The following DIPK1A variants were observed in gnomAD, a reference collection of about 807,000 sequenced individuals.
DIPK1A encodes the protein divergent protein kinase domain 1A.
Under a neutral mutation model 40.8 loss-of-function variants are expected in DIPK1A, and 27 were observed. The ratio of observed to expected loss-of-function variants is 0.66; its 90% CI spans 0.49 to 0.91. The LOEUF is 0.91. Ranked by LOEUF, DIPK1A falls within the 40% of genes least tolerant of loss-of-function variation. DIPK1A has a pLI of 0.00. For synonymous variants in DIPK1A, 166 were observed against 171.3 expected, an observed-to-expected ratio of 0.97 and a Z score of 0.24; for missense variants, 412 against 505.7, an observed-to-expected ratio of 0.81 and a Z score of 1.78.
chr1:92,871,978 CCAG>C (rs1320448393), intron 2 of DIPK1A, among the ~76,000 whole-genome samples: 1 of 151,532 alleles, frequency 6.6e-6, no homozygotes, highest in Non-Finnish European at 1.5e-5. Flanking sequence ...GTATGTATAC[CCAG>C]AAGTGGATTT....
Position 92,843,553 on chromosome 1 carries a change from A to G in DIPK1A, c.1117T>C (p.Tyr373His). The G allele has an allele frequency of 6.4e-7, 1 of 1,552,118 alleles. No homozygotes were observed. Among genetic ancestry groups the G allele is most frequent in the South Asian group, 1.2e-5 (1 of 84,064 alleles). Residue 373 changes from tyrosine (Y) to histidine (H), a missense_variant, in exon 5 of 5, where the codon TAC becomes CAC. By Grantham distance (83) the Tyr-to-His change is moderately conservative (BLOSUM62 2). Coordinates refer to ENST00000370310, the MANE Select transcript of DIPK1A (RefSeq NM_001006605.5). ...TCACTTGGAGCACCACGCAGTAGGTAGTCTTTGAGTAACTGACAAGCTTTT... is the reference window on the plus strand; with the variant it reads ...TCACTTGGAGCACCACGCAGTAGGTGGTCTTTGAGTAACTGACAAGCTTTT... ...LAKACQLLKD[Y>H]LLRGAPSEIR...
chr1:92,846,839 A>ATG (rs1557449906), intron 4 of DIPK1A, among the ~76,000 whole-genome samples: 3 of 4,390 alleles, frequency 6.8e-4, no homozygotes, highest in African/African-American at 2.4e-3. Flanking sequence ...ATATATATAT[A>ATG]TATGTGTGTA....
downstream of DIPK1A, chr1:92,840,183 T>C (rs1687295072): frequency 3.9e-6 from 1 of 255,042 alleles, no homozygotes. Flanking sequence ...CCTGGCTAAT[T>C]AGTTTTTTTA....
intron 2 of DIPK1A, among the ~76,000 whole-genome samples, chr1:92,871,178 T>C (rs1174015616): frequency 6.6e-6 from 1 of 152,210 alleles, no homozygotes; most frequent in Non-Finnish European, 1.5e-5. Context: ...TATTTATTTT[T>C]TTCTGAGACT....
rs1687426075 is a variant in DIPK1A, at chr1:92,842,740, C to T, written c.*643G>A. On this transcript the variant is annotated 3_prime_UTR_variant, in exon 5 of 5. Coordinates refer to ENST00000370310, the MANE Select transcript of DIPK1A (RefSeq NM_001006605.5). ...GGCCCTTTGAATCTTTAGGAAAGTT[C>T]ATCCATTTTTAGTCAATAAAATTGG... 1.0e-6 allele frequency: 1 copy of T among 985,288 alleles called. No homozygotes were observed. The highest frequency in any genetic ancestry group is 6.2e-5 in the Admixed American group (1 of 16,256). The allele number at this position is 985,288 out of a possible 1,614,324, so 61.0% of individuals were successfully genotyped here.
chr1:92,841,391 G>A (rs1343118016), downstream of DIPK1A, among the ~76,000 whole-genome samples: 1 of 152,136 alleles, frequency 6.6e-6, no homozygotes, highest in Non-Finnish European at 1.5e-5. Flanking sequence ...TTATGTATAT[G>A]TATACCACAT....
chr1:92,948,873 T>C (rs926840967), intron 1 of DIPK1A, among the ~76,000 whole-genome samples: 5 of 148,892 alleles, frequency 3.4e-5, no homozygotes, highest in South Asian at 4.2e-4. Flanking sequence ...GGTGCGATCT[T>C]GGCTCACTGC....
chr1:92,849,467 C>T (rs1004982122), intron 3 of DIPK1A, among the ~76,000 whole-genome samples: 1 of 151,860 alleles, frequency 6.6e-6, no homozygotes, highest in Non-Finnish European at 1.5e-5. Flanking sequence ...CCCACCTCAG[C>T]CTCCCGAGTA....
chr1:92,865,898 G>A (rs372745987), intron 2 of DIPK1A, among the ~76,000 whole-genome samples: 57 of 152,184 alleles, frequency 3.7e-4, no homozygotes, highest in Admixed American at 2.3e-3. Flanking sequence ...TAATTTATAC[G>A]AAATGCATAT....
chr1:92,959,448 CTTTTTTTTTTT>C (rs1012376544), intron 1 of DIPK1A, among the ~76,000 whole-genome samples: 2 of 115,462 alleles, frequency 1.7e-5, no homozygotes, highest in Non-Finnish European at 3.6e-5. Context: ...CAGTAAAACA[CTTTTTTTTTTT>C]TTTTTTTTTT....
At chr1:92,832,987 T>G (rs1686969150) in exon 5 of DIPK1A, 1 of 733,304 alleles carries the variant, frequency 1.4e-6, no homozygotes, top group Non-Finnish European at 2.5e-6. Context: ...CTGATTGCTG[T>G]CTGGAGCAGT....
In DIPK1A at chr1:92,842,317, T is replaced by G. The variant is rs756301046; in HGVS notation, c.*1066A>C. 1 of 986,204 alleles carries G rather than the reference T, an allele frequency of 1.0e-6. No individual in the cohort carries two copies. Among genetic ancestry groups the G allele is most frequent in the Non-Finnish European group, 1.2e-6 (1 of 830,456 alleles). 61.1% of individuals were successfully genotyped at this position (986,204 alleles called of 1,614,324 possible). On this transcript the variant is annotated 3_prime_UTR_variant, in exon 5 of 5. Coordinates refer to ENST00000370310, the MANE Select transcript of DIPK1A (RefSeq NM_001006605.5). The stretch of plus-strand genomic sequence containing the variant: ...CATAGATTTTTAACATGTTCCACTT[T>G]AGGTAGGCGAAACCTTTGAGCAGAA...
At chr1:92,937,272 C>G in intron 1 of DIPK1A, among the ~76,000 whole-genome samples, 1 of 151,368 alleles carries the variant, frequency 6.6e-6, no homozygotes, top group African/African-American at 2.4e-5. Flanking sequence ...ACCAGCCTGG[C>G]CAACATGAAG....
chr1:92,902,099 T>C (rs567850006), intron 1 of DIPK1A, among the ~76,000 whole-genome samples: 1 of 152,236 alleles, frequency 6.6e-6, no homozygotes, highest in South Asian at 2.1e-4. Context: ...TTCCCTGGGA[T>C]GCAGGATGCC....
intron 1 of DIPK1A, among the ~76,000 whole-genome samples, chr1:92,905,048 T>C (rs1649561083): frequency 6.6e-6 from 1 of 152,192 alleles, no homozygotes. Flanking sequence ...CTTTATCTGT[T>C]CATCTGCTGA....
intron 1 of DIPK1A, among the ~76,000 whole-genome samples, chr1:92,922,787 A>T (rs1227670657): frequency 1.3e-5 from 2 of 152,204 alleles, no homozygotes; most frequent in Non-Finnish European, 2.9e-5. Flanking sequence ...AACCTTCGAG[A>T]ATGAAACAAA....
intron 4 of DIPK1A, chr1:92,845,541 G>GAAAAAAAAA: frequency 4.4e-6 from 1 of 227,030 alleles, no homozygotes; most frequent in Non-Finnish European, 8.0e-6. Context: ...CGTCTCTGCT[G>GAAAAAAAAA]AAAAAAAAAA....
chr1:92,856,995 ATATCAACATAATGTGAAATAGAAACAATT>A (rs1310181796), intron 2 of DIPK1A, among the ~76,000 whole-genome samples: 2 of 152,260 alleles, frequency 1.3e-5, no homozygotes. Context: ...AGGCCCAGAC[ATATCAACATAATGTGAAATAGAAACAATT>A]TCAGAATGAC....
At chr1:92,855,381 C>A (rs1421909779) in intron 2 of DIPK1A, among the ~76,000 whole-genome samples, 3 of 151,868 alleles carry the variant, frequency 2.0e-5, no homozygotes, top group Non-Finnish European at 4.4e-5. Flanking sequence ...AAAAAACCAA[C>A]CAACCAACCA....
Sources: gnomAD v4.1 joint callset for allele counts (sites outside exome capture counted in the v4.1 genomes callset) on GRCh38, gnomAD v4.1.1 for gene constraint, MANE v1.5 for transcripts, NCBI Gene and HGNC (gene_info 2026-07-23, HGNC 2026-07-21) for gene names.